The following MDGA2 variants were observed in gnomAD, a reference collection of about 807,000 sequenced individuals.
MDGA2 encodes MAM domain-containing glycosylphosphatidylinositol anchor protein 2.
Under a neutral mutation model 117.8 loss-of-function variants are expected in MDGA2, and 40 were observed. That is an observed-to-expected ratio of 0.34 (90% CI 0.26 to 0.44). The LOEUF is 0.44. Among genes scored for constraint, MDGA2 ranks in the 20% least tolerant of loss-of-function variants. The pLI, the probability that MDGA2 is intolerant of heterozygous loss-of-function variation, is 1.00. For synonymous variants in MDGA2, 452 were observed against 439.0 expected, an observed-to-expected ratio of 1.03 and a Z score of -0.37; for missense variants, 1,123 against 1,250.6, an observed-to-expected ratio of 0.90 and a Z score of 1.54.
intron 1 of MDGA2, among the ~76,000 whole-genome samples, chr14:47,630,071 A>C (rs1458463831): frequency 6.6e-6 from 1 of 151,976 alleles, no homozygotes; most frequent in Non-Finnish European, 1.5e-5. Flanking sequence ...ATAAGGCAGT[A>C]CTTCTGATAC....
At chr14:47,464,588 G>GA (rs1893561029) in intron 1 of MDGA2, among the ~76,000 whole-genome samples, 1 of 151,626 alleles carries the variant, frequency 6.6e-6, no homozygotes, top group Non-Finnish European at 1.5e-5. Context: ...ATAATTGCCA[G>GA]AAAAAAAATA....
chr14:46,869,247 T>C (rs910017160), intron 14 of MDGA2, among the ~76,000 whole-genome samples: 10 of 152,016 alleles, frequency 6.6e-5, no homozygotes, highest in African/African-American at 2.4e-4. Flanking sequence ...TTTCCTGATA[T>C]GATATGACCT....
chr14:47,189,856 T>A (rs1211844448), intron 3 of MDGA2, among the ~76,000 whole-genome samples: 2 of 152,134 alleles, frequency 1.3e-5, no homozygotes, highest in African/African-American at 4.8e-5. Context: ...GTGGTCTTTC[T>A]CACTGAGATG....
At chr14:46,974,024 C>T (rs772664195) in intron 8 of MDGA2, among the ~76,000 whole-genome samples, 2 of 151,516 alleles carry the variant, frequency 1.3e-5, no homozygotes, top group Admixed American at 6.6e-5. Context: ...CAGGCATAAG[C>T]CACCACACCC....
intron 9 of MDGA2, among the ~76,000 whole-genome samples, chr14:46,921,959 T>C (rs771940378): frequency 6.6e-6 from 1 of 152,176 alleles, no homozygotes. Context: ...GGGTTGCTTC[T>C]GTTATTTAAT....
At chr14:46,948,562 GGGAGTGTGGAT>G (rs1885255932) in intron 9 of MDGA2, among the ~76,000 whole-genome samples, 1 of 152,096 alleles carries the variant, frequency 6.6e-6, no homozygotes, top group South Asian at 2.1e-4. Flanking sequence ...TCTAGCTTGA[GGGAGTGTGGAT>G]GGAGATGTGA....
Position 47,674,919 on chromosome 14 carries a change from G to A in MDGA2, c.-123C>T. The A allele has an allele frequency of 1.9e-6, 1 of 524,418 alleles. No homozygotes were observed. The highest frequency in any genetic ancestry group is 3.3e-6 in the Non-Finnish European group (1 of 302,456). 32.5% of individuals were successfully genotyped at this position (524,418 alleles called of 1,614,324 possible). On this transcript the variant is annotated 5_prime_UTR_variant, in exon 1 of 17. Transcript: ENST00000399232. The stretch of plus-strand genomic sequence containing the variant: ...AATCGCAGACGCCGGGGAGGAGCAG[G>A]GGGCGGTGATGGGAAGGGGAGCTGC...
rs146305050 is a variant in MDGA2 at position 47,187,109 on chromosome 14, A to G, written c.595+30912T>C. On this transcript the variant is annotated intron_variant, in intron 3 of 16. Transcript: ENST00000399232. ...TTCCCAATTGTAAGAAAGAGAAATT[A>G]GGTGGGGAAATGGGGGCACAACTAC... Among the ~76,000 whole-genome samples the G allele has an allele frequency of 3.9e-4, 59 of 152,074 alleles. 1 individual carries two copies. The East Asian group carries it at 0.011, about 29-fold the overall frequency.
chr14:47,041,721 G>GA (rs1889078282), intron 7 of MDGA2, among the ~76,000 whole-genome samples: 1 of 151,886 alleles, frequency 6.6e-6, no homozygotes, highest in African/African-American at 2.4e-5. Flanking sequence ...AGCAAATATA[G>GA]AAAAAGAAAA....
intron 1 of MDGA2, among the ~76,000 whole-genome samples, chr14:47,670,379 A>T (rs1898052292): frequency 6.6e-6 from 1 of 152,172 alleles, no homozygotes; most frequent in Admixed American, 6.5e-5. Context: ...TTGGAAATTA[A>T]AGGCATGATG....
chr14:47,621,868 C>A (rs1340697319), intron 1 of MDGA2, among the ~76,000 whole-genome samples: 1 of 152,116 alleles, frequency 6.6e-6, no homozygotes, highest in Non-Finnish European at 1.5e-5. Context: ...TTTTATTGTT[C>A]TAAACAACTG....
At chr14:47,070,379 C>A (rs577541591) in intron 6 of MDGA2, among the ~76,000 whole-genome samples, 1 of 152,266 alleles carries the variant, frequency 6.6e-6, no homozygotes, top group African/African-American at 2.4e-5. Flanking sequence ...TGTAAATAAT[C>A]TGAAACTCAA....
chr14:47,098,604 G>C (rs992784014), intron 5 of MDGA2, among the ~76,000 whole-genome samples: 1 of 151,692 alleles, frequency 6.6e-6, no homozygotes, highest in African/African-American at 2.4e-5. Context: ...TCTGAAAATA[G>C]ATATTATACT....
At chr14:47,017,269 G>A (rs1439134470) in intron 8 of MDGA2, among the ~76,000 whole-genome samples, 2 of 149,370 alleles carry the variant, frequency 1.3e-5, no homozygotes, top group East Asian at 3.9e-4. Flanking sequence ...TGACCCAGAG[G>A]GTCAAAAAGA....
intron 1 of MDGA2, among the ~76,000 whole-genome samples, chr14:47,663,483 A>G (rs1454862004): frequency 6.6e-6 from 1 of 152,244 alleles, no homozygotes; most frequent in Admixed American, 6.5e-5. Context: ...AATAGAGAAT[A>G]TGGAAGTGGA....
In MDGA2 at chr14:47,310,597, A is replaced by AAT. The variant is rs369763994; in HGVS notation, c.281-9049_281-9048dup. 2.7e-3 allele frequency among the ~76,000 whole-genome samples: 413 copies of AAT among 151,294 alleles called. 2 individuals are homozygous for AAT. Among genetic ancestry groups the AAT allele is most frequent in the African/African-American group, 8.6e-3 (357 of 41,318 alleles). On this transcript the variant is annotated intron_variant, in intron 1 of 16. Transcript: ENST00000399232. ...GGTATGAATGTAACATCACATAATGAATATATATATATATGTTCCTTTTTT... is the reference window on the plus strand; with the variant it reads ...GGTATGAATGTAACATCACATAATGAATATATATATATATATGTTCCTTTTTT...
intron 1 of MDGA2, among the ~76,000 whole-genome samples, chr14:47,652,900 C>A (rs1164819612): frequency 6.6e-6 from 1 of 152,004 alleles, no homozygotes; most frequent in Non-Finnish European, 1.5e-5. Flanking sequence ...ATTTCAAAAT[C>A]CCTGAGGAAC....
chr14:47,016,325 T>C (rs565578548), intron 8 of MDGA2, among the ~76,000 whole-genome samples: 39 of 151,560 alleles, frequency 2.6e-4, no homozygotes, highest in African/African-American at 9.0e-4. Flanking sequence ...AAATCATTAA[T>C]AGCACTTCAA....
chr14:47,236,193 A>C (rs11157551), intron 2 of MDGA2, among the ~76,000 whole-genome samples: 26,134 of 149,216 alleles, frequency 0.18, 3,072 homozygotes, highest in Admixed American at 0.37. Context: ...CAGGAGGCTG[A>C]GGCAAGAGAA....
Sources: allele counts gnomAD v4.1 joint callset (sites outside exome capture counted in the v4.1 genomes callset), GRCh38; gene constraint gnomAD v4.1.1; transcripts MANE v1.5; gene names NCBI Gene and HGNC (gene_info 2026-07-23, HGNC 2026-07-21).